Variants in SELENON observed in about 807,000 individuals in gnomAD.
SELENON encodes selenoprotein N.
In SELENON, 44 loss-of-function variants were observed where a neutral mutation model predicts 59.5. That is an observed-to-expected ratio of 0.74 (90% CI 0.58 to 0.95). The LOEUF (loss-of-function observed/expected upper bound fraction) is 0.95. Among genes scored for constraint, SELENON ranks in the 40% least tolerant of loss-of-function variants. SELENON has a pLI of 0.00. For missense variants in SELENON, 674 were observed against 721.4 expected (o/e 0.93, Z 0.75); for synonymous variants, 320 against 305.6 (o/e 1.05, Z -0.49).
At chr1:25,803,140 C>T (rs7513196) in intron 3 of SELENON, among the ~76,000 whole-genome samples, 86,777 of 151,998 alleles carry the variant, frequency 0.57, 24,956 homozygotes, top group South Asian at 0.73. Flanking sequence ...ACAGGTCGTC[C>T]CCTTGTGGCC....
intron 3 of SELENON, among the ~76,000 whole-genome samples, chr1:25,803,243 A>G (rs548511957): frequency 1.3e-5 from 2 of 152,356 alleles, no homozygotes; most frequent in East Asian, 3.8e-4. Context: ...TTCTCTCATA[A>G]TGACATGTTA....
chr1:25,808,677 C>G lies in SELENON; in HGVS notation c.635C>G (p.Pro212Arg). Residue 212 changes from proline (P) to arginine (R), a missense_variant, in exon 5 of 13, where the codon CCG (proline) becomes CGG (arginine). Pro to Arg is a moderately radical substitution (Grantham distance 103). Transcript: ENST00000361547. Reference sequence around the variant, plus strand: ...CGCCACTTCCAGCCCTTCCTTCCCCCGCCAGGCCAGGAGCTGGGTGAGCCC... The same window carrying G: ...CGCCACTTCCAGCCCTTCCTTCCCCGGCCAGGCCAGGAGCTGGGTGAGCCC... The G allele has an allele frequency of 6.2e-7, 1 of 1,614,132 alleles. No homozygotes were observed. The highest frequency in any genetic ancestry group is 8.5e-7 in the Non-Finnish European group (1 of 1,180,000).
chr1:25,803,716 G>GC (rs2047879217), intron 3 of SELENON, among the ~76,000 whole-genome samples: 2 of 96,128 alleles, frequency 2.1e-5, no homozygotes. Flanking sequence ...TTGTTTTTTT[G>GC]TTTTTTTTTT....
rs2047864803 is a variant in SELENON at position 25,801,999 on chromosome 1, T to C, written c.302-17T>C. On this transcript the variant is annotated splice_polypyrimidine_tract_variant and intron_variant, in intron 2 of 12. Transcript: ENST00000361547. ...CAATAGACAGCAGCTATAACTTTTT[T>C]TTTTTTTTTGAGACAGGGTCTTGTT... 1.5e-5 allele frequency: 4 copies of C among 268,064 alleles called. No homozygotes were observed. The highest frequency in any genetic ancestry group is 4.5e-5 in the Admixed American group (1 of 22,122). 16.6% of individuals were successfully genotyped at this position (268,064 alleles called of 1,614,324 possible).
chr1:25,810,503 C>T (rs541538455), intron 7 of SELENON, among the ~76,000 whole-genome samples: 1 of 152,344 alleles, frequency 6.6e-6, no homozygotes, highest in East Asian at 1.9e-4. Flanking sequence ...TGAGACCTGG[C>T]TGGGAGCCAG....
intron 4 of SELENON, 79 bp downstream of exon 3, chr1:25,805,354 C>G: frequency 6.3e-7 from 1 of 1,597,032 alleles, no homozygotes; most frequent in Non-Finnish European, 8.6e-7. Context: ...TCCATCTTTC[C>G]TCTGCCCTCT....
chr1:25,809,957 CAGG>C, intron 7 of SELENON, 137 bp downstream of exon 6: 1 of 1,081,488 alleles, frequency 9.2e-7, no homozygotes, highest in Non-Finnish European at 1.4e-6. Context: ...GCTGACGTGG[CAGG>C]AGGCGGCATG....
At chr1:25,808,411 G>C (rs2047926909) in intron 4 of SELENON, among the ~76,000 whole-genome samples, 169 bp from the exon 4 acceptor site, 1 of 152,152 alleles carries the variant, frequency 6.6e-6, no homozygotes, top group African/African-American at 2.4e-5. Context: ...CTCTCTGGCG[G>C]GATATTGCTA....
rs1258460989 is a variant in SELENON, at chr1:25,811,898, G to C, written c.1281+19G>C. Reference sequence around the variant, plus strand: ...CAAGAAGGTGAGGCTGGGCAGGGGTGAAGGCCAGGGTCAGGCTGCATGGGC... The same window carrying C: ...CAAGAAGGTGAGGCTGGGCAGGGGTCAAGGCCAGGGTCAGGCTGCATGGGC... On this transcript the variant is annotated intron_variant, in intron 9 of 12. Coordinates refer to ENST00000361547, the MANE Select transcript of SELENON (RefSeq NM_020451.3). 6.4e-7 allele frequency: 1 copy of C among 1,552,524 alleles called. No individual in the cohort carries two copies. The highest frequency in any genetic ancestry group is 8.7e-7 in the Non-Finnish European group (1 of 1,148,402).
At chr1:25,805,420 T>C in intron 4 of SELENON, 145 bp downstream of exon 3, 1 of 1,101,422 alleles carries the variant, frequency 9.1e-7, no homozygotes, top group Non-Finnish European at 1.3e-6. Flanking sequence ...TTGTCCCTGC[T>C]GTCCAGGCAT....
intron 10 of SELENON, among the ~76,000 whole-genome samples, chr1:25,813,227 C>G (rs1247167947): frequency 6.6e-6 from 1 of 152,162 alleles, no homozygotes; most frequent in African/African-American, 2.4e-5. Flanking sequence ...TCACCAGAGG[C>G]CCCCTAGATG....
intron 2 of SELENON, among the ~76,000 whole-genome samples, chr1:25,801,404 C>T (rs1041174425): frequency 5.9e-5 from 9 of 152,192 alleles, no homozygotes; most frequent in Admixed American, 2.6e-4. Context: ...AGGTAGCTCA[C>T]GCCTGTAATC....
chr1:25,801,029 C>T lies in SELENON; in HGVS notation c.184-14C>T. 2 of 1,611,086 alleles carry T rather than the reference C, an allele frequency of 1.2e-6. No individual in the cohort carries two copies. ...CGCCAAATGGTGCCCAGCCCAGTCTCTCCTCCCAAGCAGGAACTGGCGCTG... is the reference window on the plus strand; with the variant it reads ...CGCCAAATGGTGCCCAGCCCAGTCTTTCCTCCCAAGCAGGAACTGGCGCTG... On this transcript the variant is annotated splice_polypyrimidine_tract_variant and intron_variant, in intron 1 of 12. Transcript: ENST00000361547.
At position 25,815,633 on chromosome 1, in the gene SELENON, C is replaced by T. The variant is rs1377807343; in HGVS notation, c.1688C>T (p.Ser563Phe). Residue 563 changes from serine to phenylalanine, a missense_variant, in exon 13 of 13, where the codon TCC becomes TTC. Physicochemically the swap from Ser to Phe is radical, Grantham distance 155. Coordinates refer to ENST00000361547, the MANE Select transcript of SELENON (RefSeq NM_020451.3). ...GAGAGCAATCTCTTCAGCTTCTCAT[C>T]CACCTTTGAAGACCCGTCCACGGCC... 1 of 1,614,210 alleles carries T rather than the reference C, an allele frequency of 6.2e-7. No homozygotes were observed. Among genetic ancestry groups the T allele is most frequent in the Admixed American group, 1.7e-5 (1 of 60,030 alleles).
chr1:25,804,738 G>C (rs1266664973), intron 3 of SELENON, among the ~76,000 whole-genome samples: 2 of 143,296 alleles, frequency 1.4e-5, no homozygotes, highest in Non-Finnish European at 3.0e-5. Context: ...CAAAGAGCCT[G>C]TTTCTGTTTC....
chr1:25,800,421 CCCGAG>C lies in SELENON; in HGVS notation c.183+10_183+14del. ...CAGGCGGCCGCGCGGCAGGTCCGGG[CCCGAG>C]CTGGCTGGGGCGGGAGCGCGGGAGC... On this transcript the variant is annotated intron_variant, in intron 1 of 12. Coordinates refer to ENST00000361547, the MANE Select transcript of SELENON (RefSeq NM_020451.3). 9.1e-7 allele frequency: 1 copy of C among 1,096,936 alleles called. No homozygotes were observed. Among genetic ancestry groups the C allele is most frequent in the South Asian group, 4.4e-5 (1 of 22,848 alleles). The allele number at this position is 1,096,936 out of a possible 1,614,324, so 68.0% of individuals were successfully genotyped here.
chr1:25,804,680 G>A (rs2047890521), intron 3 of SELENON, among the ~76,000 whole-genome samples: 1 of 120,262 alleles, frequency 8.3e-6, no homozygotes, highest in South Asian at 2.7e-4. Flanking sequence ...AAAAAAGCAG[G>A]GGAAAGTGGG....
rs1410237424 is a variant in SELENON at position 25,808,695 on chromosome 1, G to A, written c.653G>A (p.Gly218Asp). 1 of 1,614,116 alleles carries A rather than the reference G, an allele frequency of 6.2e-7. No homozygotes were observed. The highest frequency in any genetic ancestry group is 8.5e-7 in the Non-Finnish European group (1 of 1,179,998). ...CTTCCCCCGCCAGGCCAGGAGCTGG[G>A]TGAGCCCTGGTGGATCATCCCCAGT... The change falls in exon 5 of 13, where the codon GGT becomes GAT. Residue 218 changes from glycine to aspartate, a missense_variant. By Grantham distance (94) the Gly-to-Asp change is moderately conservative (BLOSUM62 -1). Coordinates refer to ENST00000361547, the MANE Select transcript of SELENON (RefSeq NM_020451.3).
chr1:25,806,509 G>C (rs1469958100), intron 4 of SELENON, among the ~76,000 whole-genome samples: 2 of 151,914 alleles, frequency 1.3e-5, no homozygotes, highest in African/African-American at 2.4e-5. Context: ...CATGGACAGT[G>C]GGTGGGCAGG....
Sources: allele counts gnomAD v4.1 joint callset (sites outside exome capture counted in the v4.1 genomes callset), GRCh38; gene constraint gnomAD v4.1.1; transcripts MANE v1.5; gene names NCBI Gene and HGNC (gene_info 2026-07-23, HGNC 2026-07-21).